Variants in SYN3 observed in about 807,000 individuals in gnomAD.
The protein encoded by SYN3 is synapsin III, also known as synapsin-3.
SYN3 carries 35 observed loss-of-function variants against 65.8 expected under a neutral mutation model. The ratio of observed to expected loss-of-function variants is 0.53; its 90% confidence interval spans 0.41 to 0.70. The LOEUF (loss-of-function observed/expected upper bound fraction) is 0.70. Among genes scored for constraint, SYN3 ranks in the 30% least tolerant of loss-of-function variants. The pLI is 0.00. For missense variants in SYN3, 680 were observed against 749.0 expected (o/e 0.91, Z 1.08); for synonymous variants, 270 against 292.9 (o/e 0.92, Z 0.80).
At chr22:32,737,489 C>T (rs898893127) in intron 6 of SYN3, among the ~76,000 whole-genome samples, 55 of 152,096 alleles carry the variant, frequency 3.6e-4, no homozygotes, top group African/African-American at 1.3e-3. Context: ...CAACAGGCCC[C>T]GGTGGGTGAT....
intron 7 of SYN3, among the ~76,000 whole-genome samples, chr22:32,596,327 C>T (rs916958309): frequency 7.2e-5 from 11 of 152,196 alleles, no homozygotes; most frequent in Non-Finnish European, 1.6e-4. Context: ...AAGACATGGG[C>T]TTACAACATG....
intron 6 of SYN3, among the ~76,000 whole-genome samples, chr22:32,838,735 GA>G (rs1288288325): frequency 6.6e-6 from 1 of 151,862 alleles, no homozygotes; most frequent in Non-Finnish European, 1.5e-5. Flanking sequence ...AGCACTCCAG[GA>G]AGCCAAACAC....
At chr22:32,674,365 G>A (rs2060412084) in intron 6 of SYN3, among the ~76,000 whole-genome samples, 1 of 152,166 alleles carries the variant, frequency 6.6e-6, no homozygotes, top group African/African-American at 2.4e-5. Context: ...CTGGACTCTG[G>A]CCTGCATATT....
intron 4 of SYN3, among the ~76,000 whole-genome samples, chr22:32,905,291 T>A (rs1035301858): frequency 1.3e-5 from 2 of 151,922 alleles, no homozygotes; most frequent in African/African-American, 4.8e-5. Context: ...TTTAGGGGAG[T>A]GGCAAAGTGG....
At chr22:32,549,286 C>G (rs2058377608) in intron 7 of SYN3, among the ~76,000 whole-genome samples, 1 of 152,020 alleles carries the variant, frequency 6.6e-6, no homozygotes, top group African/African-American at 2.4e-5. Flanking sequence ...CAGAGTCTCC[C>G]TCTGTCACCC....
At chr22:32,615,444 A>AAAAAAAAG (rs2059504593) in intron 6 of SYN3, among the ~76,000 whole-genome samples, 1 of 150,770 alleles carries the variant, frequency 6.6e-6, no homozygotes, top group African/African-American at 2.4e-5. Context: ...AAAAAAAAAA[A>AAAAAAAAG]AAAAAAAGAA....
Position 32,575,839 on chromosome 22 carries a change from AAAAT to A in SYN3, c.774+20831_774+20834del, listed in dbSNP as rs551089245. 4.6e-5 allele frequency among the ~76,000 whole-genome samples: 7 copies of A among 152,268 alleles called. No homozygotes were observed. The South Asian group carries it at 1.5e-3, about 32-fold the overall frequency. On this transcript the variant is annotated intron_variant, in intron 7 of 13. Transcript: ENST00000358763. ...GACCAGGCAAGAGGAGCTATATTAA[AAAAT>A]AAATAAAGTTCCCCTTCTTTCCTCA...
At chr22:32,525,430 G>A (rs887764847) in intron 12 of SYN3, among the ~76,000 whole-genome samples, 10 of 151,084 alleles carry the variant, frequency 6.6e-5, no homozygotes, top group Non-Finnish European at 1.3e-4. Context: ...TGAAGGGGCC[G>A]GGCGCAGTGG....
At chr22:32,988,569 C>T (rs2052605014) in intron 2 of SYN3, among the ~76,000 whole-genome samples, 2 of 152,064 alleles carry the variant, frequency 1.3e-5, no homozygotes, top group East Asian at 3.9e-4. Context: ...TCTCAGGGGG[C>T]TTACTACCTA....
rs192527743 is a variant in SYN3, at chr22:32,817,347, C to T, written c.711+47568G>A. On this transcript the variant is annotated intron_variant, in intron 6 of 13. Transcript: ENST00000358763. ...GTGACCTGTTTAGCTCTGTTTAATC[C>T]AGTGTTCTCTGAACATATCTAGCCA... Among the ~76,000 whole-genome samples, 67 of 152,252 alleles carry T rather than the reference C, an allele frequency of 4.4e-4. 1 individual carries two copies. The highest frequency in any genetic ancestry group is 1.5e-3 in the African/African-American group (62 of 41,556).
chr22:32,930,297 G>A (rs928995129), intron 4 of SYN3, among the ~76,000 whole-genome samples: 5 of 152,016 alleles, frequency 3.3e-5, no homozygotes, highest in African/African-American at 7.2e-5. Flanking sequence ...GAGATCTAAC[G>A]GTTTTATAAA....
chr22:33,028,843 A>G (rs1450007607), intron 1 of SYN3, among the ~76,000 whole-genome samples: 2 of 152,220 alleles, frequency 1.3e-5, no homozygotes, highest in South Asian at 4.1e-4. Flanking sequence ...GATCGAGACC[A>G]TCCTGGCTAA....
intron 1 of SYN3, among the ~76,000 whole-genome samples, chr22:33,032,790 A>G (rs1420371198): frequency 1.3e-5 from 2 of 152,134 alleles, no homozygotes; most frequent in Non-Finnish European, 2.9e-5. Context: ...AAACCCATCT[A>G]TGATTTGTAA....
intron 6 of SYN3, among the ~76,000 whole-genome samples, chr22:32,856,816 C>A (rs942716070): frequency 1.9e-4 from 29 of 152,148 alleles, no homozygotes; most frequent in African/African-American, 6.5e-4. Flanking sequence ...TGCCCCAATC[C>A]TTATTACCTT....
chr22:32,861,271 G>A (rs188048121), intron 6 of SYN3: 2 of 152,462 alleles, frequency 1.3e-5, no homozygotes, highest in Admixed American at 6.5e-5. Context: ...AGTGGGAAGA[G>A]AGTACCGGCA....
At chr22:32,924,486 ACAGCAGCAT>A (rs1256555964) in intron 4 of SYN3, among the ~76,000 whole-genome samples, 6 of 152,216 alleles carry the variant, frequency 3.9e-5, no homozygotes, top group African/African-American at 1.4e-4. Flanking sequence ...TGATCTTCCA[ACAGCAGCAT>A]CAGCAGCATC....
At chr22:32,609,430 C>T (rs2059412126) in intron 6 of SYN3, among the ~76,000 whole-genome samples, 2 of 150,628 alleles carry the variant, frequency 1.3e-5, no homozygotes, top group Admixed American at 6.6e-5. Context: ...ATTTATTTAC[C>T]TGTGCAGAAA....
chr22:32,690,130 C>G (rs2060642924), intron 6 of SYN3, among the ~76,000 whole-genome samples: 2 of 152,020 alleles, frequency 1.3e-5, no homozygotes, highest in African/African-American at 4.8e-5. Context: ...TAGCTGAGAT[C>G]GTGCCACTGC....
chr22:33,058,128 C>T (rs941530316), intron 1 of SYN3, among the ~76,000 whole-genome samples, 164 bp downstream of exon 1: 1 of 152,156 alleles, frequency 6.6e-6, no homozygotes, highest in Non-Finnish European at 1.5e-5. Flanking sequence ...CGGCTCCTTG[C>T]CTCCCTCCCT....
Sources: allele counts gnomAD v4.1 joint callset (sites outside exome capture counted in the v4.1 genomes callset), GRCh38; gene constraint gnomAD v4.1.1; transcripts MANE v1.5; gene names NCBI Gene and HGNC (gene_info 2026-07-23, HGNC 2026-07-21).